STATH: variants seen among roughly 807,000 people sequenced by gnomAD.
STATH encodes the protein statherin.
STATH carries 11 observed loss-of-function variants against 13.3 expected under a neutral mutation model. The observed-to-expected ratio is 0.83, with a 90% confidence interval of 0.52 to 1.37. The LOEUF (loss-of-function observed/expected upper bound fraction) is 1.37. Among genes scored for constraint, STATH ranks in the 40% most tolerant of loss-of-function variants. STATH has a pLI of 0.00. For synonymous variants in STATH, 25 were observed against 23.6 expected (o/e 1.06, Z -0.17); for missense variants, 78 against 73.3 (o/e 1.06, Z -0.24).
At chr4:69,996,582 G>C (rs538174241) in intron 1 of STATH, among the ~76,000 whole-genome samples, 27 of 151,856 alleles carry the variant, frequency 1.8e-4, no homozygotes, top group Admixed American at 5.3e-4. Context: ...TATTACTTAA[G>C]TTGTTTTCAT....
At chr4:70,000,210 A>T (rs1384707792) in intron 4 of STATH, 1 of 179,196 alleles carries the variant, frequency 5.6e-6, no homozygotes, top group Non-Finnish European at 1.2e-5. Flanking sequence ...TCATTAAATT[A>T]AACAGGTCAT....
At position 69,998,463 on chromosome 4, in the gene STATH, T is replaced by C. The variant is rs2109681225; in HGVS notation, c.26T>C (p.Ile9Thr). 1 of 1,612,870 alleles carries C rather than the reference T, an allele frequency of 6.2e-7. No homozygotes were observed. Among genetic ancestry groups the C allele is most frequent in the Non-Finnish European group, 8.5e-7 (1 of 1,179,218 alleles). Residue 9 changes from isoleucine (I) to threonine (T), a missense_variant, in exon 2 of 6, where the codon ATC (isoleucine) becomes ACC (threonine). Ile to Thr is a moderately conservative substitution (Grantham distance 89). Coordinates refer to ENST00000246895, the MANE Select transcript of STATH (RefSeq NM_003154.3). MKFLVFAF[I>T]LALMVSMIGA... ...ATGAAGTTCCTTGTCTTTGCCTTCA[T>C]CTTGGCTCTCATGGTTTCCATGATT...
chr4:70,001,605 T>C (rs1724670567), intron 5 of STATH, among the ~76,000 whole-genome samples: 1 of 151,752 alleles, frequency 6.6e-6, no homozygotes, highest in African/African-American at 2.4e-5. Flanking sequence ...AATTTCTTTT[T>C]AGAAAGTCAG....
intron 1 of STATH, 46 bp from the exon 2 acceptor site, chr4:69,998,377 G>T: frequency 6.8e-7 from 1 of 1,464,090 alleles, no homozygotes; most frequent in Admixed American, 1.7e-5. Context: ...TTTGATGGGC[G>T]AATGCAAGAA....
intron 5 of STATH, 74 bp downstream of exon 5, chr4:70,001,056 A>T: frequency 9.4e-7 from 1 of 1,058,912 alleles, no homozygotes; most frequent in Middle Eastern, 2.1e-4. Flanking sequence ...AAACAAAAAC[A>T]AGACATTAAA....
intron 5 of STATH, 34 bp downstream of exon 5, chr4:70,001,016 C>T (rs1265463620): frequency 4.3e-6 from 6 of 1,409,452 alleles, no homozygotes; most frequent in Non-Finnish European, 1.0e-6. Flanking sequence ...TTTTTACTTT[C>T]TGTATCAGTG....
Position 70,000,951 on chromosome 4 carries a change from A to T in STATH, c.*2A>T, listed in dbSNP as rs1030787522. The T allele has an allele frequency of 1.2e-6, 2 of 1,609,794 alleles. No homozygotes were observed. The highest frequency in any genetic ancestry group is 1.7e-6 in the Non-Finnish European group (2 of 1,176,514). On this transcript the variant is annotated 3_prime_UTR_variant, in exon 5 of 6. Coordinates refer to ENST00000246895, the MANE Select transcript of STATH (RefSeq NM_003154.3). Reference sequence around the variant, plus strand: ...CAATACCAACAATATACCTTTTAATATCATCAGTAACTGCAGGACATGATT... The same window carrying T: ...CAATACCAACAATATACCTTTTAATTTCATCAGTAACTGCAGGACATGATT...
At chr4:70,000,717 GAA>G (rs1357629856) in intron 4 of STATH, 144 bp from the exon 5 acceptor site, 1 of 627,562 alleles carries the variant, frequency 1.6e-6, no homozygotes, top group Non-Finnish European at 2.8e-6. Context: ...TAACCAAAAA[GAA>G]AAATCTAATT....
At chr4:70,000,672 CTCAA>C in intron 4 of STATH, 187 bp from the exon 5 acceptor site, 1 of 565,192 alleles carries the variant, frequency 1.8e-6, no homozygotes, top group Non-Finnish European at 3.2e-6. Context: ...AAGGTAAACA[CTCAA>C]TCATTTTTAC....
In STATH at chr4:70,001,096, C is replaced by A. The variant is rs559625698; in HGVS notation, c.*33+114C>A. The stretch of plus-strand genomic sequence containing the variant: ...CAGCAGTTCCAGTATAAGAAAGCAG[C>A]CAGCTGTATAGCTCCTTGAAATGTA... On this transcript the variant is annotated intron_variant, in intron 5 of 5. Transcript: ENST00000246895. The A allele has an allele frequency of 5.9e-6, 4 of 677,226 alleles. No individual in the cohort carries two copies. The South Asian group carries it at 6.8e-5, about 12-fold the overall frequency. The allele number at this position is 677,226 out of a possible 1,614,324, so 42.0% of individuals were successfully genotyped here. A position where few individuals can be genotyped will look rare whatever the true frequency, so the allele number is the denominator to read the frequency against.
intron 5 of STATH, 48 bp downstream of exon 5, chr4:70,001,030 A>T: frequency 7.5e-7 from 1 of 1,339,672 alleles, no homozygotes; most frequent in East Asian, 2.3e-5. Context: ...ATCAGTGCTG[A>T]CAGTTAAAAG....
chr4:70,001,334 A>G (rs1426338089), intron 5 of STATH, among the ~76,000 whole-genome samples: 2 of 151,866 alleles, frequency 1.3e-5, no homozygotes, highest in African/African-American at 4.8e-5. Context: ...AATTGGTGAC[A>G]CTTTTGAAAG....
Position 70,002,354 on chromosome 4 carries a change from A to T in STATH, c.*199A>T, listed in dbSNP as rs1350301027. On this transcript the variant is annotated 3_prime_UTR_variant, in exon 6 of 6. Coordinates refer to ENST00000246895, the MANE Select transcript of STATH (RefSeq NM_003154.3). ...TACTTGCCTTTTCAATTGTCACTTG[A>T]TGATATAATTGCAATTTAAACTGTT... The T allele has an allele frequency of 6.6e-6, 1 of 151,740 alleles. No individual in the cohort carries two copies. Among genetic ancestry groups the T allele is most frequent in the East Asian group, 1.9e-4 (1 of 5,194 alleles). 9.4% of individuals were successfully genotyped at this position (151,740 alleles called of 1,614,324 possible).
intron 4 of STATH, 99 bp from the exon 5 acceptor site, chr4:70,000,764 A>C: frequency 2.4e-6 from 2 of 845,398 alleles, no homozygotes; most frequent in Non-Finnish European, 3.9e-6. Flanking sequence ...AGTAATATGT[A>C]AGTTCCTAAA....
Position 69,998,413 on chromosome 4 carries a change from A to T in STATH, c.-15-10A>T, listed in dbSNP as rs532035877. 29 of 1,606,692 alleles carry T rather than the reference A, an allele frequency of 1.8e-5. No individual in the cohort carries two copies. In the South Asian group the frequency reaches 3.2e-4, roughly 18 times the overall value. On this transcript the variant is annotated splice_polypyrimidine_tract_variant and intron_variant, in intron 1 of 5. Transcript: ENST00000246895. ...AAAATGTGATACTGAATTTCCACAT[A>T]TGTTTTCAGAGAACCCAGCCAACTA... is the stretch of plus-strand genomic sequence containing the variant.
Position 69,999,784 on chromosome 4 carries a change from T to G in STATH, c.77T>G (p.Phe26Cys). 1 of 1,612,162 alleles carries G rather than the reference T, an allele frequency of 6.2e-7. No individual in the cohort carries two copies. Residue 26 changes from phenylalanine (F) to cysteine (C), a missense_variant, in exon 4 of 6, where the codon TTT becomes TGT. Coordinates refer to ENST00000246895, the MANE Select transcript of STATH (RefSeq NM_003154.3). ...MIGADSSEEK[F>C]LRRIGRFGYG... Reference sequence around the variant, plus strand: ...ACTTTTCTTCATTTTTCACAGAAATTTTTGCGTAGAATTGGAAGATTCGGT... The same window carrying G: ...ACTTTTCTTCATTTTTCACAGAAATGTTTGCGTAGAATTGGAAGATTCGGT...
chr4:70,002,482 T>C lies in STATH; in HGVS notation c.*327T>C, dbSNP rs1173487994. 1 of 151,770 alleles carries C rather than the reference T, an allele frequency of 6.6e-6. No individual in the cohort carries two copies. The highest frequency in any genetic ancestry group is 1.5e-5 in the Non-Finnish European group (1 of 67,796). 9.4% of individuals were successfully genotyped at this position (151,770 alleles called of 1,614,324 possible). A position where few individuals can be genotyped will look rare whatever the true frequency, so the allele number is the denominator to read the frequency against. On this transcript the variant is annotated 3_prime_UTR_variant, in exon 6 of 6. Transcript: ENST00000246895. Reference sequence around the variant, plus strand: ...GTATGCTCCTTATTTTTCTCTTTTCTATTTATAGGAATAATGATTTCTTTC... The same window carrying C: ...GTATGCTCCTTATTTTTCTCTTTTCCATTTATAGGAATAATGATTTCTTTC...
chr4:69,997,018 A>G (rs1042971420), intron 1 of STATH, among the ~76,000 whole-genome samples: 4 of 147,706 alleles, frequency 2.7e-5, no homozygotes, highest in African/African-American at 1.0e-4. Flanking sequence ...GCTCACCGCA[A>G]CCTCCACCTC....
chr4:70,001,180 T>A (rs1393563532), intron 5 of STATH, among the ~76,000 whole-genome samples, 198 bp downstream of exon 5: 1 of 151,750 alleles, frequency 6.6e-6, no homozygotes, highest in East Asian at 1.9e-4. Context: ...GAAGGCAGTG[T>A]TATAGAGTGG....
Sources: gnomAD v4.1 joint callset for allele counts (sites outside exome capture counted in the v4.1 genomes callset) on GRCh38, gnomAD v4.1.1 for gene constraint, MANE v1.5 for transcripts, NCBI Gene and HGNC (gene_info 2026-07-23, HGNC 2026-07-21) for gene names.